PCDH12: variants seen among roughly 807,000 people sequenced by gnomAD.
PCDH12 encodes the protein protocadherin-12.
PCDH12 carries 45 observed loss-of-function variants against 70.9 expected under a neutral mutation model. That is an observed-to-expected ratio of 0.63 (90% CI 0.50 to 0.81). PCDH12 has a LOEUF of 0.81. PCDH12 is among the 40% of genes least tolerant of loss of function. PCDH12 has a pLI of 0.00. For missense variants in PCDH12, 1,370 were observed against 1,491.7 expected (o/e 0.92, Z 1.34); for synonymous variants, 567 against 626.0 (o/e 0.91, Z 1.41).
Position 141,955,732 on chromosome 5 carries a change from C to A in PCDH12, c.2120G>T (p.Arg707Leu), listed in dbSNP as rs767990575. ...TSVDHLRDSA[R>L]KPGALSMSML... The stretch of plus-strand genomic sequence containing the variant: ...CGACATGCTCAAGGCCCCAGGCTTG[C>A]GGGCTGAGTCCCTCAGGTGGTCCAC... The change falls in exon 1 of 4, where the codon CGC becomes CTC. Residue 707 changes from arginine to leucine, a missense_variant. Physicochemically the swap from Arg to Leu is moderately radical, Grantham distance 102. Coordinates refer to ENST00000231484, the MANE Select transcript of PCDH12 (RefSeq NM_016580.4). This position sits in a 1 kb window ranked among gnomAD's most constrained non-coding sequence, Gnocchi z 5.5. The A allele has an allele frequency of 1.2e-6, 2 of 1,614,050 alleles. No homozygotes were observed. The highest frequency in any genetic ancestry group is 2.2e-5 in the South Asian group (2 of 91,054).
chr5:141,955,020 G>C lies in PCDH12; in HGVS notation c.2832C>G (p.Ala944=). Residue 944 remains alanine (A), a synonymous_variant, in exon 1 of 4, where the codon GCC becomes GCG. Transcript: ENST00000231484. The surrounding 1 kb of genome is among the most constrained non-coding windows in gnomAD (Gnocchi z 5.5). ...TGAGCTCCTCCACGGGGTTCCGCTC[G>C]GCGAAGGCAGCCACAGACAGCCGGA... ...SLVRLSVAAF[A]ERNPVEELTV... is the part of the protein sequence containing the mutation. 3 of 1,614,164 alleles carry C rather than the reference G, an allele frequency of 1.9e-6. No individual in the cohort carries two copies. The highest frequency in any genetic ancestry group is 2.5e-6 in the Non-Finnish European group (3 of 1,180,018).
At chr5:141,949,378 G>A in intron 3 of PCDH12, 54 bp downstream of exon 3, 1 of 1,557,602 alleles carries the variant, frequency 6.4e-7, no homozygotes, top group Non-Finnish European at 8.7e-7. Context: ...GAACTCTGAA[G>A]CTTGGACACC....
At chr5:141,954,041 C>G (rs1363545899) in intron 1 of PCDH12, among the ~76,000 whole-genome samples, 3 of 152,214 alleles carry the variant, frequency 2.0e-5, no homozygotes, top group Non-Finnish European at 4.4e-5. Context: ...TTTTGACACT[C>G]ATCATCCCAT....
chr5:141,956,016 G>A lies in PCDH12; in HGVS notation c.1836C>T (p.Ser612=). ...GTDTPPLATH[S]SRPFLLTTIV... Reference sequence around the variant, plus strand: ...TGGTTGTCAAAAGGAATGGCCGGGAGCTGTGAGTGGCCAGTGGAGGTGTGT... The same window carrying A: ...TGGTTGTCAAAAGGAATGGCCGGGAACTGTGAGTGGCCAGTGGAGGTGTGT... Residue 612 remains serine (S), a synonymous_variant, in exon 1 of 4, where the codon AGC becomes AGT. Transcript: ENST00000231484. 2 of 1,614,166 alleles carry A rather than the reference G, an allele frequency of 1.2e-6. No individual in the cohort carries two copies. Among genetic ancestry groups the A allele is most frequent in the Non-Finnish European group, 1.7e-6 (2 of 1,180,048 alleles).
rs1422617924 is a variant in PCDH12, at chr5:141,955,131, A to C, written c.2721T>G (p.Ser907=). The change falls in exon 1 of 4, where the codon TCT becomes TCG. Residue 907 remains serine (S), a synonymous_variant. Transcript: ENST00000231484. This position sits in a 1 kb window ranked among gnomAD's most constrained non-coding sequence, Gnocchi z 5.5. ...EEAPQRPPAS[S]ATLRRQRHLN... ...GATGTCGCTGCCGTCTCAGGGTTGC[A>C]GAGGAGGCTGGTGGCCTCTGTGGGG... 1.9e-6 allele frequency: 3 copies of C among 1,614,200 alleles called. No individual in the cohort carries two copies. The highest frequency in any genetic ancestry group is 2.5e-6 in the Non-Finnish European group (3 of 1,180,022).
At position 141,944,928 on chromosome 5, in the gene PCDH12, C is replaced by G. The variant is rs1405406549; in HGVS notation, c.*453G>C. On this transcript the variant is annotated 3_prime_UTR_variant, in exon 4 of 4. Transcript: ENST00000231484. The stretch of plus-strand genomic sequence containing the variant: ...GACAAATAAACCCCACTCTATTACT[C>G]TTCCCTTCTCCCTCTTGACAGGTGC... 1 of 170,270 alleles carries G rather than the reference C, an allele frequency of 5.9e-6. No individual in the cohort carries two copies. The highest frequency in any genetic ancestry group is 1.3e-5 in the Non-Finnish European group (1 of 79,096). The allele number at this position is 170,270 out of a possible 1,614,324, so 10.5% of individuals were successfully genotyped here.
chr5:141,949,916 T>C (rs1753042885), intron 2 of PCDH12, among the ~76,000 whole-genome samples: 1 of 152,202 alleles, frequency 6.6e-6, no homozygotes, highest in South Asian at 2.1e-4. Flanking sequence ...TCATTCTCGT[T>C]GCCCCTCCCA....
intron 1 of PCDH12, among the ~76,000 whole-genome samples, chr5:141,951,877 G>A (rs1326186589): frequency 6.6e-6 from 1 of 152,218 alleles, no homozygotes; most frequent in African/African-American, 2.4e-5. Context: ...TGCACCTGGT[G>A]GACTCTGAGA....
rs2434322 is a variant in PCDH12 at position 141,955,356 on chromosome 5, C to T, written c.2496G>A (p.Gln832=). Residue 832 remains glutamine (Q), a synonymous_variant, in exon 1 of 4, where the codon CAG becomes CAA. Coordinates refer to ENST00000231484, the MANE Select transcript of PCDH12 (RefSeq NM_016580.4). The surrounding 1 kb of genome is among the most constrained non-coding windows in gnomAD (Gnocchi z 5.5). ...CCTCTCGGCTCTCCGCCGGTGCTCCCTGGTTGCCTTGATTACGCAGCGTCC... is the reference window on the plus strand; with the variant it reads ...CCTCTCGGCTCTCCGCCGGTGCTCCTTGGTTGCCTTGATTACGCAGCGTCC... The part of the protein sequence containing the change: ...LYRTLRNQGN[Q]GAPAESREVL... 183,512 of 1,614,008 alleles carry T rather than the reference C, an allele frequency of 0.11. 11,418 individuals carry two copies. Among genetic ancestry groups the T allele is most frequent in the East Asian group, 0.23 (10,498 of 44,850 alleles).
Position 141,956,604 on chromosome 5 carries a change from G to A in PCDH12, c.1248C>T (p.Ala416=), listed in dbSNP as rs777676849. Reference sequence around the variant, plus strand: ...TGGGCCACTGCTCTCTGTCCAGTGTGGCATTGGTTAGCAACATGTATGTGT... The same window carrying A: ...TGGGCCACTGCTCTCTGTCCAGTGTAGCATTGGTTAGCAACATGTATGTGT... ...NGNTYMLLTN[A]TLDREQWPKY... is the part of the protein sequence containing the mutation. Residue 416 remains alanine, a synonymous_variant, in exon 1 of 4, where the codon GCC becomes GCT. Transcript: ENST00000231484. 1 of 1,614,238 alleles carries A rather than the reference G, an allele frequency of 6.2e-7. No individual in the cohort carries two copies. The highest frequency in any genetic ancestry group is 8.5e-7 in the Non-Finnish European group (1 of 1,180,054).
rs374569241 is a variant in PCDH12, at chr5:141,955,260, G to A, written c.2592C>T (p.Asn864=). The change falls in exon 1 of 4, where the codon AAC becomes AAT. Residue 864 remains asparagine (N), a synonymous_variant. Transcript: ENST00000231484. This position sits in a 1 kb window ranked among gnomAD's most constrained non-coding sequence, Gnocchi z 5.5. ...CTGTGGCAGGCTGGGGCTCGGGAAG[G>A]TTCAGGTTCTCCCGGGAGGCATTCC... is the stretch of plus-strand genomic sequence containing the variant. ...RQRNASRENL[N]LPEPQPATGQ... is the part of the protein sequence containing the mutation. 1 of 1,614,130 alleles carries A rather than the reference G, an allele frequency of 6.2e-7. No individual in the cohort carries two copies. The highest frequency in any genetic ancestry group is 8.5e-7 in the Non-Finnish European group (1 of 1,180,058).
chr5:141,951,064 T>C (rs1230087724), intron 2 of PCDH12, among the ~76,000 whole-genome samples: 1 of 152,156 alleles, frequency 6.6e-6, no homozygotes, highest in Admixed American at 6.5e-5. Flanking sequence ...TAAGGTGTCT[T>C]CAATTCTAGG....
chr5:141,948,710 A>G (rs999189340), intron 3 of PCDH12, among the ~76,000 whole-genome samples: 3 of 152,080 alleles, frequency 2.0e-5, no homozygotes, highest in Non-Finnish European at 4.4e-5. Context: ...CTCCCCTTCA[A>G]TCACTGGTGA....
chr5:141,945,535 T>C lies in PCDH12; in HGVS notation c.3401A>G (p.Glu1134Gly). Reference protein sequence around the residue: ...RSSMPVEAASEALRRLSVCGR... With the variant: ...RSSMPVEAASGALRRLSVCGR... ...GCAGACCGAGAGCCGCCGCAGCGCC[T>C]CGGAGGCGGCCTCCACGGGCATGCT... The change falls in exon 4 of 4, where the codon GAG (glutamate) becomes GGG (glycine). Residue 1134 changes from glutamate (E) to glycine (G), a missense_variant. Glu to Gly is a moderately conservative substitution (Grantham distance 98). Coordinates refer to ENST00000231484, the MANE Select transcript of PCDH12 (RefSeq NM_016580.4). 1 of 1,613,904 alleles carries C rather than the reference T, an allele frequency of 6.2e-7. No individual in the cohort carries two copies. Among genetic ancestry groups the C allele is most frequent in the East Asian group, 2.2e-5 (1 of 44,874 alleles).
In PCDH12 at chr5:141,956,865, G is replaced by A. The variant is rs762637946; in HGVS notation, c.987C>T (p.Pro329=). Residue 329 remains proline, a synonymous_variant, in exon 1 of 4, where the codon CCC becomes CCT. Transcript: ENST00000231484. The stretch of plus-strand genomic sequence containing the variant: ...CTTTGCAATGGGCTGGGATAGGATT[G>A]GGACCCAGGTCCCTTGCCTGAACAT... ...EVDVQARDLG[P]NPIPAHCKVL... 1.9e-6 allele frequency: 3 copies of A among 1,614,106 alleles called. No homozygotes were observed. Among genetic ancestry groups the A allele is most frequent in the African/African-American group, 2.7e-5 (2 of 74,946 alleles).
rs1369597986 is a variant in PCDH12, at chr5:141,958,051, G to C, written c.-200C>G. The C allele has an allele frequency of 3.2e-6, 2 of 627,128 alleles. No individual in the cohort carries two copies. The highest frequency in any genetic ancestry group is 5.6e-5 in the East Asian group (2 of 35,468). 38.8% of individuals were successfully genotyped at this position (627,128 alleles called of 1,614,324 possible). A position where few individuals can be genotyped will look rare whatever the true frequency, so the allele number is the denominator to read the frequency against. On this transcript the variant is annotated 5_prime_UTR_variant, in exon 1 of 4. In the 5' UTR this introduces an upstream ATG that the reference lacks. Transcript: ENST00000231484. ...GCCATCTTCATTGGAAGCGATCTGA[G>C]ATGTCCAAACGCCGATCAAGAATTG...
Position 141,945,665 on chromosome 5 carries a change from C to T in PCDH12, c.3271G>A (p.Gly1091Ser), listed in dbSNP as rs779814208. Residue 1091 changes from glycine to serine, a missense_variant, in exon 4 of 4, where the codon GGC (glycine) becomes AGC (serine). Coordinates refer to ENST00000231484, the MANE Select transcript of PCDH12 (RefSeq NM_016580.4). ...CTCAGCTCTGGTGCCTCTGCCTTGC[C>T]GAACGTCTGGAAGGTCCTTGGCTCC... The part of the protein sequence containing the change: ...TEEPRTFQTF[G>S]KAEAPELSPT... 1.5e-5 allele frequency: 24 copies of T among 1,614,104 alleles called. No individual in the cohort carries two copies. Among genetic ancestry groups the T allele is most frequent in the Middle Eastern group, 1.6e-4 (1 of 6,084 alleles).
chr5:141,957,011 A>T lies in PCDH12; in HGVS notation c.841T>A (p.Phe281Ile). Residue 281 changes from phenylalanine (F) to isoleucine (I), a missense_variant, in exon 1 of 4, where the codon TTC (phenylalanine) becomes ATC (isoleucine). Physicochemically the swap from Phe to Ile is conservative, Grantham distance 21. Transcript: ENST00000231484. This position sits in a 1 kb window ranked among gnomAD's most constrained non-coding sequence, Gnocchi z 4.3. The stretch of plus-strand genomic sequence containing the variant: ...GGAGGCATGTGCTTACTGAGGAAGA[A>T]CTCCACCTCCCCATTGGGGCCTTGG... ...PDQGPNGEVE[F>I]FLSKHMPPEV... The T allele has an allele frequency of 6.2e-7, 1 of 1,613,708 alleles. No individual in the cohort carries two copies. The highest frequency in any genetic ancestry group is 8.5e-7 in the Non-Finnish European group (1 of 1,179,918).
chr5:141,958,026 G>A lies in PCDH12; in HGVS notation c.-175C>T. 1.4e-6 allele frequency: 1 copy of A among 708,280 alleles called. No homozygotes were observed. The highest frequency in any genetic ancestry group is 2.0e-5 in the South Asian group (1 of 50,512). The allele number at this position is 708,280 out of a possible 1,614,324, so 43.9% of individuals were successfully genotyped here. A position where few individuals can be genotyped will look rare whatever the true frequency, so the allele number is the denominator to read the frequency against. On this transcript the variant is annotated 5_prime_UTR_variant, in exon 1 of 4. Transcript: ENST00000231484. ...GAAACAAGCAGGACCCCAAGGCAAG[G>A]CCATCTTCATTGGAAGCGATCTGAG...
Sources: allele counts gnomAD v4.1 joint callset (sites outside exome capture counted in the v4.1 genomes callset), GRCh38; gene constraint gnomAD v4.1.1; non-coding constraint Gnocchi (gnomAD v3.1); transcripts MANE v1.5; gene names NCBI Gene and HGNC (gene_info 2026-07-23, HGNC 2026-07-21).